The following LSAMP variants were observed in gnomAD, a reference collection of about 807,000 sequenced individuals.
The protein encoded by LSAMP is limbic system associated membrane protein.
A neutral mutation model predicts 38.6 loss-of-function variants in LSAMP; 7 were observed. That is an observed-to-expected ratio of 0.18 (90% CI 0.10 to 0.34). The LOEUF is 0.34. Among genes scored for constraint, LSAMP ranks in the 10% least tolerant of loss-of-function variants. The pLI is 1.00. For missense variants in LSAMP, 313 were observed against 420.0 expected, an observed-to-expected ratio of 0.75 and a Z score of 2.23; for synonymous variants, 154 against 166.8, an observed-to-expected ratio of 0.92 and a Z score of 0.59.
chr3:116,010,050 G>A (rs984633238), intron 3 of LSAMP, among the ~76,000 whole-genome samples: 13 of 152,066 alleles, frequency 8.5e-5, no homozygotes, highest in Non-Finnish European at 1.9e-4. Context: ...CCAAGTAGCT[G>A]GGACTATGGG....
chr3:116,005,456 A>T (rs1319602190), intron 3 of LSAMP, among the ~76,000 whole-genome samples: 1 of 152,084 alleles, frequency 6.6e-6, no homozygotes, highest in African/African-American at 2.4e-5. Flanking sequence ...ATTATGGGTT[A>T]CTCCTGCTGC....
chr3:116,027,845 C>A (rs1940829222), intron 2 of LSAMP, among the ~76,000 whole-genome samples: 1 of 152,134 alleles, frequency 6.6e-6, no homozygotes, highest in African/African-American at 2.4e-5. Context: ...TCCCTAACCT[C>A]AAATAATTAG....
At chr3:116,222,403 T>A (rs1424249272) in intron 1 of LSAMP, among the ~76,000 whole-genome samples, 1 of 152,136 alleles carries the variant, frequency 6.6e-6, no homozygotes, top group African/African-American at 2.4e-5. Context: ...TTTAAACTTT[T>A]AAAAAATGTC....
At chr3:116,005,379 A>G (rs1940126488) in intron 3 of LSAMP, among the ~76,000 whole-genome samples, 1 of 152,144 alleles carries the variant, frequency 6.6e-6, no homozygotes, top group Non-Finnish European at 1.5e-5. Context: ...CAGACTGGCC[A>G]TGGTAGCAGC....
At chr3:115,940,718 T>G (rs1246813483) in intron 3 of LSAMP, among the ~76,000 whole-genome samples, 1 of 152,174 alleles carries the variant, frequency 6.6e-6, no homozygotes, top group Non-Finnish European at 1.5e-5. Context: ...GTTAACCACA[T>G]ATGTTTGGGT....
chr3:116,277,180 T>A (rs2047066180), intron 1 of LSAMP, among the ~76,000 whole-genome samples: 1 of 152,132 alleles, frequency 6.6e-6, no homozygotes, highest in Non-Finnish European at 1.5e-5. Flanking sequence ...ATTATAAGGC[T>A]CCAGTAGGGA....
At chr3:116,076,298 C>T (rs1707741328) in intron 2 of LSAMP, among the ~76,000 whole-genome samples, 1 of 152,046 alleles carries the variant, frequency 6.6e-6, no homozygotes, top group Non-Finnish European at 1.5e-5. Flanking sequence ...CGCTCTGTCA[C>T]CCAGGCTGGA....
intron 2 of LSAMP, among the ~76,000 whole-genome samples, chr3:116,083,353 A>G (rs998281602): frequency 2.0e-5 from 3 of 152,254 alleles, no homozygotes; most frequent in Non-Finnish European, 4.4e-5. Flanking sequence ...TACATAGATC[A>G]TCTAATCCTT....
At chr3:116,188,475 A>C (rs1710676217) in intron 1 of LSAMP, among the ~76,000 whole-genome samples, 1 of 152,050 alleles carries the variant, frequency 6.6e-6, no homozygotes, top group African/African-American at 2.4e-5. Flanking sequence ...AATCCCAGGG[A>C]CTTTGCTGCT....
intron 6 of LSAMP, among the ~76,000 whole-genome samples, chr3:115,840,591 G>C (rs1576133717): frequency 6.6e-6 from 1 of 152,198 alleles, no homozygotes; most frequent in South Asian, 2.1e-4. Flanking sequence ...AAGTCAATGA[G>C]AGTTACAAAT....
At chr3:116,168,071 C>A (rs560674471) in intron 1 of LSAMP, among the ~76,000 whole-genome samples, 2 of 152,136 alleles carry the variant, frequency 1.3e-5, no homozygotes, top group Non-Finnish European at 2.9e-5. Flanking sequence ...AACTATCCAT[C>A]TTAAAGTATT....
chr3:116,264,881 A>G (rs998092311), intron 1 of LSAMP, among the ~76,000 whole-genome samples: 1 of 152,052 alleles, frequency 6.6e-6, no homozygotes, highest in Non-Finnish European at 1.5e-5. Flanking sequence ...GCTGGGGGAA[A>G]AAAAAAAGAG....
intron 3 of LSAMP, among the ~76,000 whole-genome samples, chr3:115,984,418 A>G (rs371459731): frequency 6.6e-6 from 1 of 152,186 alleles, no homozygotes; most frequent in South Asian, 2.1e-4. Flanking sequence ...GGAGAAAGAA[A>G]GAATCAGTGA....
chr3:116,286,358 G>C (rs1247550329), intron 1 of LSAMP, among the ~76,000 whole-genome samples: 1 of 152,126 alleles, frequency 6.6e-6, no homozygotes, highest in Non-Finnish European at 1.5e-5. Context: ...TACATTATCT[G>C]CTGGGGTTAA....
chr3:116,424,713 G>A (rs2049172063), intron 1 of LSAMP, among the ~76,000 whole-genome samples: 2 of 152,158 alleles, frequency 1.3e-5, no homozygotes, highest in Admixed American at 1.3e-4. Context: ...GTGAAATGCA[G>A]TATTGAGAGT....
At chr3:116,121,735 G>A (rs952622805) in intron 1 of LSAMP, among the ~76,000 whole-genome samples, 3 of 152,134 alleles carry the variant, frequency 2.0e-5, no homozygotes, top group African/African-American at 7.2e-5. Flanking sequence ...GATAGTAAAT[G>A]GTAGAGCCAG....
chr3:116,382,857 C>T (rs545827298), intron 1 of LSAMP, among the ~76,000 whole-genome samples: 11 of 152,026 alleles, frequency 7.2e-5, no homozygotes, highest in South Asian at 2.1e-4. Flanking sequence ...AAGTGCCTTA[C>T]GATGTTGGGT....
intron 1 of LSAMP, among the ~76,000 whole-genome samples, chr3:116,161,075 T>G (rs1160113150): frequency 1.3e-5 from 2 of 152,168 alleles, no homozygotes; most frequent in Non-Finnish European, 1.5e-5. Context: ...AGTTTTCAAT[T>G]TTATTAATTT....
chr3:116,086,143 C>A (rs1453099890), intron 2 of LSAMP, among the ~76,000 whole-genome samples, 181 bp downstream of exon 2: 6 of 152,298 alleles, frequency 3.9e-5, no homozygotes, highest in Non-Finnish European at 1.5e-5. Flanking sequence ...GGAGTACACT[C>A]TCTATATTGT....
Sources: gnomAD v4.1 joint callset for allele counts (sites outside exome capture counted in the v4.1 genomes callset) on GRCh38, gnomAD v4.1.1 for gene constraint, MANE v1.5 for transcripts, NCBI Gene and HGNC (gene_info 2026-07-23, HGNC 2026-07-21) for gene names.